The following COBL variants were observed in gnomAD, a reference collection of about 807,000 sequenced individuals.
COBL encodes protein cordon-bleu.
COBL carries 51 observed loss-of-function variants against 98.8 expected under a neutral mutation model. That is an observed-to-expected ratio of 0.52 (90% CI 0.41 to 0.65). The LOEUF (loss-of-function observed/expected upper bound fraction) is 0.65, where lower values mean the gene tolerates loss of function less well. COBL is among the 30% of genes least tolerant of loss of function. The probability of loss-of-function intolerance (pLI) is 0.00; values close to 1 mark genes in which losing one functional copy is unlikely to be tolerated. For missense variants in COBL, 1,617 were observed against 1,617.5 expected (o/e 1.00, Z 0.01); for synonymous variants, 634 against 651.7 (o/e 0.97, Z 0.41).
intron 5 of COBL, among the ~76,000 whole-genome samples, chr7:51,180,580 A>G (rs865903952): frequency 3.3e-5 from 5 of 152,382 alleles, no homozygotes; most frequent in Middle Eastern, 3.4e-3. Context: ...GCCAAGTATA[A>G]TAAGTGTAAA....
intron 1 of COBL, among the ~76,000 whole-genome samples, chr7:51,283,415 C>T (rs1386829166): frequency 6.6e-6 from 1 of 152,178 alleles, no homozygotes; most frequent in Non-Finnish European, 1.5e-5. Flanking sequence ...TCACTACCAA[C>T]ATACACTCAT....
chr7:51,093,533 A>G (rs1284771074), intron 6 of COBL, among the ~76,000 whole-genome samples: 1 of 152,250 alleles, frequency 6.6e-6, no homozygotes, highest in East Asian at 1.9e-4. Context: ...GTACATCAAA[A>G]GACATCTGCA....
intron 7 of COBL, among the ~76,000 whole-genome samples, chr7:51,084,136 C>T (rs942644190): frequency 3.9e-5 from 6 of 152,140 alleles, no homozygotes; most frequent in African/African-American, 1.2e-4. Context: ...GACTCCCAGG[C>T]TGAAATGCTA....
At chr7:51,263,794 G>A (rs776555820) in intron 1 of COBL, among the ~76,000 whole-genome samples, 1 of 152,180 alleles carries the variant, frequency 6.6e-6, no homozygotes, top group Non-Finnish European at 1.5e-5. Context: ...CAATTTTTAT[G>A]TCACTGAACA....
chr7:51,219,646 G>A, intron 2 of COBL, 95 bp downstream of exon 2: 1 of 1,339,484 alleles, frequency 7.5e-7, no homozygotes. Context: ...ACCTGATGAG[G>A]AGGAAAATGC....
chr7:51,030,724 A>G lies in COBL; in HGVS notation c.1504+88T>C. 3.5e-6 allele frequency: 3 copies of G among 851,268 alleles called. No individual in the cohort carries two copies. In the South Asian group the frequency reaches 4.8e-5, roughly 14 times the overall value. 52.7% of individuals were successfully genotyped at this position (851,268 alleles called of 1,614,324 possible). ...TTCTGAAGGCTGTTTCCTCACATAG[A>G]TACATCAAAGTATGCTCAGAGGAAG... On this transcript the variant is annotated intron_variant, in intron 9 of 12. Coordinates refer to ENST00000265136, the MANE Select transcript of COBL (RefSeq NM_015198.5).
At chr7:51,201,113 G>A (rs553077625) in intron 2 of COBL, among the ~76,000 whole-genome samples, 85 of 151,764 alleles carry the variant, frequency 5.6e-4, no homozygotes, top group African/African-American at 1.6e-3. Context: ...GGTGGTGGGC[G>A]CCTTTAATCC....
chr7:51,040,221 G>T (rs1258360760), intron 8 of COBL, among the ~76,000 whole-genome samples: 1 of 148,310 alleles, frequency 6.7e-6, no homozygotes, highest in Admixed American at 6.7e-5. Flanking sequence ...TCAAAATGGT[G>T]CCCAAAAAAC....
chr7:51,279,391 A>T (rs917811153), intron 1 of COBL, among the ~76,000 whole-genome samples: 34 of 152,346 alleles, frequency 2.2e-4, no homozygotes, highest in African/African-American at 7.9e-4. Flanking sequence ...TAAATAAATC[A>T]CCTGAAATTT....
At chr7:51,019,952 C>T (rs780057858) in intron 12 of COBL, among the ~76,000 whole-genome samples, 2 of 152,156 alleles carry the variant, frequency 1.3e-5, no homozygotes, top group Non-Finnish European at 2.9e-5. Context: ...TGGTTTGGGG[C>T]CTCCTGTTAC....
chr7:51,085,147 C>G lies in COBL; in HGVS notation c.1096+19G>C. ...AGCAAGCATCCCCGCATGCAGACGG[C>G]AGGCCGAGCCTCACTCACCCATCGT... On this transcript the variant is annotated intron_variant, in intron 7 of 12. Coordinates refer to ENST00000265136, the MANE Select transcript of COBL (RefSeq NM_015198.5). 1 of 1,613,502 alleles carries G rather than the reference C, an allele frequency of 6.2e-7. No individual in the cohort carries two copies. The highest frequency in any genetic ancestry group is 8.5e-7 in the Non-Finnish European group (1 of 1,179,854).
intron 7 of COBL, chr7:51,083,114 G>C: frequency 6.5e-7 from 1 of 1,534,106 alleles, no homozygotes; most frequent in Non-Finnish European, 8.7e-7. Flanking sequence ...AAAGCTGAGA[G>C]GCTCCACCAC....
chr7:51,267,088 C>T (rs918744282), intron 1 of COBL, among the ~76,000 whole-genome samples: 13 of 152,090 alleles, frequency 8.5e-5, no homozygotes, highest in Non-Finnish European at 1.8e-4. Flanking sequence ...ACTCTCCCAC[C>T]GCATAAATAC....
intron 1 of COBL, chr7:51,259,935 G>T: frequency 1.3e-6 from 1 of 757,280 alleles, no homozygotes; most frequent in Non-Finnish European, 2.4e-6. Flanking sequence ...GCAATTCCAA[G>T]GCATGAGGTT....
intron 1 of COBL, among the ~76,000 whole-genome samples, chr7:51,278,377 A>AT (rs1799502472): frequency 1.3e-5 from 1 of 74,738 alleles, no homozygotes. Flanking sequence ...TTTAGACAGG[A>AT]TCTTTTTTTT....
chr7:51,253,431 T>C (rs756060897), intron 1 of COBL, among the ~76,000 whole-genome samples: 3 of 152,202 alleles, frequency 2.0e-5, no homozygotes, highest in Non-Finnish European at 4.4e-5. Context: ...TCTTGCTTTC[T>C]AGCACAAGAT....
chr7:51,248,074 G>A (rs1796411503), intron 1 of COBL, among the ~76,000 whole-genome samples: 1 of 152,010 alleles, frequency 6.6e-6, no homozygotes, highest in East Asian at 1.9e-4. Flanking sequence ...GGGAGGGGGA[G>A]GCTGCAGTGA....
intron 1 of COBL, among the ~76,000 whole-genome samples, chr7:51,230,449 C>T (rs1316486589): frequency 6.6e-6 from 1 of 152,130 alleles, no homozygotes; most frequent in Non-Finnish European, 1.5e-5. Flanking sequence ...CCTCCTTTAC[C>T]CCGTTCCTGC....
chr7:51,127,528 A>G (rs1355159714), intron 6 of COBL, among the ~76,000 whole-genome samples: 1 of 152,204 alleles, frequency 6.6e-6, no homozygotes, highest in Non-Finnish European at 1.5e-5. Context: ...ACAAAAATGT[A>G]TGAGGTCGGG....
Sources: gnomAD v4.1 joint callset for allele counts (sites outside exome capture counted in the v4.1 genomes callset) on GRCh38, gnomAD v4.1.1 for gene constraint, MANE v1.5 for transcripts, NCBI Gene and HGNC (gene_info 2026-07-23, HGNC 2026-07-21) for gene names.